ZP3: variants seen among roughly 807,000 people sequenced by gnomAD.
ZP3 encodes the protein zona pellucida sperm-binding protein 3.
ZP3 carries 21 observed loss-of-function variants against 35.6 expected under a neutral mutation model. The observed-to-expected ratio is 0.59, with a 90% CI of 0.42 to 0.85. ZP3 has a LOEUF of 0.85. Among genes scored for constraint, ZP3 ranks in the 40% least tolerant of loss-of-function variants. ZP3 has a pLI of 0.00. For missense variants in ZP3, 437 were observed against 536.5 expected, an observed-to-expected ratio of 0.81 and a Z score of 1.83; for synonymous variants, 207 against 214.5, an observed-to-expected ratio of 0.96 and a Z score of 0.31.
At position 76,429,550 on chromosome 7, in the gene ZP3, G is replaced by A. The variant is rs747891597; in HGVS notation, c.348G>A (p.Leu116=). Residue 116 remains leucine (L), a synonymous_variant, in exon 2 of 8, where the codon CTG becomes CTA. Coordinates refer to ENST00000394857, the MANE Select transcript of ZP3 (RefSeq NM_001110354.2). ...ATGCCCTGGTGTACAGCACCTTCCT[G>A]CTCCATGACCCCCGCCCCGTGGGAA... ...TDDALVYSTF[L]LHDPRPVGNL... is the part of the protein sequence containing the mutation. 1.9e-6 allele frequency: 3 copies of A among 1,614,034 alleles called. 1 individual carries two copies. Among genetic ancestry groups the A allele is most frequent in the South Asian group, 2.2e-5 (2 of 91,084 alleles).
At chr7:76,426,907 C>CACACACACACACACACACACACACACAA (rs57796274) in intron 1 of ZP3, among the ~76,000 whole-genome samples, 5,141 of 126,562 alleles carry the variant, frequency 0.041, 243 homozygotes, top group Non-Finnish European at 0.057. Flanking sequence ...CACACACACA[C>CACACACACACACACACACACACACACAA]AATAGGGTGT....
At chr7:76,416,816 CTATA>C (rs1554623880) in intron 1 of ZP3, among the ~76,000 whole-genome samples, 53 of 143,734 alleles carry the variant, frequency 3.7e-4, no homozygotes, top group Middle Eastern at 3.6e-3. Flanking sequence ...CTCTCTCTCT[CTATA>C]TATATATACA....
chr7:76,416,814 C>A (rs1019099), intron 1 of ZP3, among the ~76,000 whole-genome samples: 12,797 of 131,670 alleles, frequency 0.097, 963 homozygotes, highest in African/African-American at 0.22. Flanking sequence ...CTCTCTCTCT[C>A]TCTATATATA....
At chr7:76,434,381 C>T (rs369931650) in intron 5 of ZP3, among the ~76,000 whole-genome samples, 3 of 151,626 alleles carry the variant, frequency 2.0e-5, no homozygotes, top group Non-Finnish European at 4.4e-5. Context: ...TGCTTGTAAT[C>T]CCAATACTTT....
chr7:76,399,243 C>G (rs975920695), intron 1 of ZP3, among the ~76,000 whole-genome samples: 3 of 152,074 alleles, frequency 2.0e-5, no homozygotes, highest in Non-Finnish European at 4.4e-5. Flanking sequence ...GAACTCCTGA[C>G]CTCAGGTGAT....
intron 1 of ZP3, chr7:76,400,958 A>G: frequency 6.5e-7 from 1 of 1,549,776 alleles, no homozygotes; most frequent in Non-Finnish European, 8.7e-7. Context: ...CTGAGGCTGG[A>G]GTACCTGGCG....
chr7:76,429,760 G>T, intron 2 of ZP3, 127 bp downstream of exon 2: 1 of 819,990 alleles, frequency 1.2e-6, no homozygotes, highest in Non-Finnish European at 2.0e-6. Context: ...AGCATTTGCA[G>T]CTGTGGTTAC....
chr7:76,397,885 TC>T lies in ZP3; in HGVS notation c.-67+90del. 6 of 1,455,836 alleles carry T rather than the reference TC, an allele frequency of 4.1e-6. No homozygotes were observed. In the South Asian group the frequency reaches 5.6e-5, roughly 14 times the overall value. The allele number at this position is 1,455,836 out of a possible 1,614,324, so 90.2% of individuals were successfully genotyped here. The stretch of plus-strand genomic sequence containing the variant: ...CATCTCCCACTGGCCTCTGCCCCCG[TC>T]CGCACCGCAAGGGCAGCCCGGTGTC... On this transcript the variant is annotated intron_variant, in intron 1 of 8. Transcript: ENST00000336517.
At chr7:76,397,544 T>C in exon 1 of ZP3, 1 of 1,589,154 alleles carries the variant, frequency 6.3e-7, no homozygotes, top group African/African-American at 1.3e-5. Flanking sequence ...CGCGTCCTCG[T>C]GGTGGCCGCA....
At chr7:76,436,482 G>A (rs1424786533) in intron 5 of ZP3, among the ~76,000 whole-genome samples, 9 of 152,386 alleles carry the variant, frequency 5.9e-5, no homozygotes, top group Admixed American at 1.3e-4. Context: ...AGGCTCATAC[G>A]TCAGGGTGGC....
At chr7:76,429,705 C>G in intron 2 of ZP3, 72 bp downstream of exon 2, 7 of 1,277,296 alleles carry the variant, frequency 5.5e-6, no homozygotes, top group Non-Finnish European at 8.0e-6. Context: ...AGTGGGCTGG[C>G]TATGGGCTAC....
chr7:76,431,918 G>A (rs1805837163), intron 2 of ZP3, among the ~76,000 whole-genome samples: 1 of 149,184 alleles, frequency 6.7e-6, no homozygotes, highest in Non-Finnish European at 1.5e-5. Flanking sequence ...AAAAAAAGAT[G>A]GCCTTAGCTG....
upstream of ZP3, among the ~76,000 whole-genome samples, chr7:76,423,019 GAGAGAGAGAAAGAAAGAA>G (rs1480871935): frequency 3.2e-5 from 3 of 92,930 alleles, no homozygotes; most frequent in Non-Finnish European, 6.4e-5. Flanking sequence ...GAGAGAGAGA[GAGAGAGAGAAAGAAAGAA>G]AGAAAGAAAG....
intron 1 of ZP3, among the ~76,000 whole-genome samples, chr7:76,412,597 C>A (rs1002743411): frequency 1.1e-4 from 16 of 152,194 alleles, no homozygotes; most frequent in Non-Finnish European, 2.2e-4. Flanking sequence ...CGCCTATAAT[C>A]CCAGCACTTT....
At chr7:76,397,621 G>C (rs1804681177) in exon 1 of ZP3, 2 of 1,613,152 alleles carry the variant, frequency 1.2e-6, no homozygotes, top group Non-Finnish European at 1.7e-6. Context: ...CGCAGTGCAC[G>C]TTGTCCAGCA....
At chr7:76,429,742 C>T in intron 2 of ZP3, 109 bp downstream of exon 2, 1 of 905,564 alleles carries the variant, frequency 1.1e-6, no homozygotes, top group East Asian at 2.4e-5. Flanking sequence ...ATTAGAACTA[C>T]CTACCGAAGC....
At chr7:76,397,675 G>A (rs1563682585) in exon 1 of ZP3, 2 of 1,613,416 alleles carry the variant, frequency 1.2e-6, no homozygotes, top group East Asian at 4.5e-5. Context: ...TGGTGGTGGC[G>A]GCCATGGCCG....
intron 1 of ZP3, among the ~76,000 whole-genome samples, chr7:76,419,203 T>C (rs1451274540): frequency 6.6e-6 from 1 of 152,212 alleles, no homozygotes; most frequent in Non-Finnish European, 1.5e-5. Context: ...AAAAAGTCAC[T>C]TTTTCTTTAT....
chr7:76,417,766 C>T (rs1805410370), intron 1 of ZP3, among the ~76,000 whole-genome samples: 1 of 151,708 alleles, frequency 6.6e-6, no homozygotes, highest in Admixed American at 6.6e-5. Flanking sequence ...CACACACCAC[C>T]ACACCTGGCT....
Sources: gnomAD v4.1 joint callset for allele counts (sites outside exome capture counted in the v4.1 genomes callset) on GRCh38, gnomAD v4.1.1 for gene constraint, MANE v1.5 for transcripts, NCBI Gene and HGNC (gene_info 2026-07-23, HGNC 2026-07-21) for gene names.